Variants in PPP2R5E observed in about 807,000 individuals in gnomAD.
PPP2R5E encodes the protein protein phosphatase 2 regulatory subunit B'epsilon.
Under a neutral mutation model 65.3 loss-of-function variants are expected in PPP2R5E, and 4 were observed. The ratio of observed to expected loss-of-function variants is 0.06; its 90% CI spans 0.03 to 0.14. PPP2R5E has a LOEUF of 0.14. Ranked by LOEUF, PPP2R5E falls within the 10% of genes least tolerant of loss-of-function variation. PPP2R5E has a pLI of 1.00. For synonymous variants in PPP2R5E, 183 were observed against 187.4 expected (o/e 0.98, Z 0.19); for missense variants, 274 against 556.1 (o/e 0.49, Z 5.10).
intron 2 of PPP2R5E, among the ~76,000 whole-genome samples, chr14:63,475,843 A>C (rs574380370): frequency 2.0e-5 from 3 of 152,342 alleles, no homozygotes; most frequent in South Asian, 4.1e-4. Flanking sequence ...TTTCCATCCA[A>C]AAATATTCAG....
chr14:63,534,057 G>A (rs957313441), intron 2 of PPP2R5E, among the ~76,000 whole-genome samples: 4 of 152,294 alleles, frequency 2.6e-5, no homozygotes, highest in South Asian at 2.1e-4. Flanking sequence ...TTACAGAATT[G>A]CTTAAAGTCA....
chr14:63,394,133 G>A (rs1473999185), intron 7 of PPP2R5E, among the ~76,000 whole-genome samples: 1 of 141,550 alleles, frequency 7.1e-6, no homozygotes, highest in East Asian at 2.1e-4. Context: ...CCAGGCTGGA[G>A]TGCAGTGGCC....
At chr14:63,399,366 C>CTTTTTTTTTTTTTTTTTTT (rs397814218) in intron 5 of PPP2R5E, among the ~76,000 whole-genome samples, 1 of 48,504 alleles carries the variant, frequency 2.1e-5, no homozygotes, top group African/African-American at 8.3e-5. Flanking sequence ...GGATTTCTTT[C>CTTTTTTTTTTTTTTTTTTT]TTTTTTTTTT....
intron 2 of PPP2R5E, among the ~76,000 whole-genome samples, chr14:63,521,888 A>G (rs990544830): frequency 2.6e-5 from 4 of 152,026 alleles, no homozygotes; most frequent in Admixed American, 6.6e-5. Flanking sequence ...AATTAATTTG[A>G]TGAGGTTGTG....
intron 3 of PPP2R5E, among the ~76,000 whole-genome samples, chr14:63,444,570 C>G (rs1389578704): frequency 6.6e-6 from 1 of 151,626 alleles, no homozygotes; most frequent in Non-Finnish European, 1.5e-5. Flanking sequence ...GAGATTTCAT[C>G]TCATATTTGA....
At chr14:63,381,967 T>G in intron 13 of PPP2R5E, 89 bp downstream of exon 13, 21 of 990,904 alleles carry the variant, frequency 2.1e-5, no homozygotes, top group Non-Finnish European at 3.1e-5. Context: ...TGCTTAAGAT[T>G]TGGGGTACAA....
At chr14:63,388,390 C>T (rs1390635006) in intron 11 of PPP2R5E, among the ~76,000 whole-genome samples, 1 of 152,174 alleles carries the variant, frequency 6.6e-6, no homozygotes, top group Non-Finnish European at 1.5e-5. Flanking sequence ...CCACCCGCCT[C>T]AGCCTCCCAA....
rs771759698 is a variant in PPP2R5E, at chr14:63,453,909, G to T, written c.158-24C>A. ...GTCTAAGAAAAAAAAAGGAAATGGT[G>T]TAAGTCTGTCATCAATTTCCAGGTA... On this transcript the variant is annotated intron_variant, in intron 2 of 13. Coordinates refer to ENST00000337537, the MANE Select transcript of PPP2R5E (RefSeq NM_006246.5). The T allele has an allele frequency of 2.1e-6, 3 of 1,420,418 alleles. No individual in the cohort carries two copies. The African/African-American group carries it at 4.3e-5, about 20-fold the overall frequency. 88.0% of individuals were successfully genotyped at this position (1,420,418 alleles called of 1,614,324 possible).
At chr14:63,498,854 T>A (rs1000752542) in intron 2 of PPP2R5E, among the ~76,000 whole-genome samples, 4 of 152,118 alleles carry the variant, frequency 2.6e-5, no homozygotes, top group African/African-American at 9.6e-5. Context: ...CCAGCATTCG[T>A]GGCCCAAAAT....
Position 63,487,205 on chromosome 14 carries a change from T to C in PPP2R5E, c.158-33320A>G, listed in dbSNP as rs530843452. ...GTAACACAAAACCAGTATCCTAGTA[T>C]TTTAACACATTGCCTCAATTTCCAT... On this transcript the variant is annotated intron_variant, in intron 2 of 13. Coordinates refer to ENST00000337537, the MANE Select transcript of PPP2R5E (RefSeq NM_006246.5). Among the ~76,000 whole-genome samples, 174 of 152,334 alleles carry C rather than the reference T, an allele frequency of 1.1e-3. 1 individual carries two copies. The highest frequency in any genetic ancestry group is 2.1e-3 in the Non-Finnish European group (142 of 68,032).
chr14:63,390,632 A>G (rs566939168), intron 10 of PPP2R5E, among the ~76,000 whole-genome samples: 1 of 152,358 alleles, frequency 6.6e-6, no homozygotes. Flanking sequence ...TTAAGAAATT[A>G]AATGACTTTC....
At chr14:63,396,007 G>T (rs117637542) in intron 6 of PPP2R5E, among the ~76,000 whole-genome samples, 136 of 5,470 alleles carry the variant, frequency 0.025, 4 homozygotes, top group East Asian at 0.07. Flanking sequence ...GGGGAGGAGA[G>T]GAGAAGGGGG....
At chr14:63,466,239 T>C in intron 2 of PPP2R5E, among the ~76,000 whole-genome samples, 1 of 130,544 alleles carries the variant, frequency 7.7e-6, no homozygotes, top group East Asian at 2.3e-4. Flanking sequence ...ATCAAAGACA[T>C]CATGAAACTT....
At chr14:63,430,635 T>C (rs1479954276) in intron 3 of PPP2R5E, among the ~76,000 whole-genome samples, 2 of 152,102 alleles carry the variant, frequency 1.3e-5, no homozygotes, top group African/African-American at 4.8e-5. Context: ...TATTGATAAA[T>C]AAACATAGAA....
intron 2 of PPP2R5E, among the ~76,000 whole-genome samples, chr14:63,519,170 T>C (rs1390141757): frequency 6.6e-6 from 1 of 151,682 alleles, no homozygotes; most frequent in Non-Finnish European, 1.5e-5. Context: ...GCCAAGATCG[T>C]GCCATTGCAC....
chr14:63,454,328 T>C (rs1889007166), intron 2 of PPP2R5E, among the ~76,000 whole-genome samples: 1 of 152,260 alleles, frequency 6.6e-6, no homozygotes, highest in African/African-American at 2.4e-5. Flanking sequence ...CATGCTGACA[T>C]CCTTGGTATT....
intron 2 of PPP2R5E, among the ~76,000 whole-genome samples, chr14:63,505,512 C>G (rs958209265): frequency 9.9e-5 from 15 of 152,188 alleles, no homozygotes; most frequent in Non-Finnish European, 2.1e-4. Context: ...TCTCCCCACC[C>G]CTTCTCCACA....
intron 2 of PPP2R5E, among the ~76,000 whole-genome samples, chr14:63,479,035 ATG>A (rs1160145595): frequency 1.3e-5 from 2 of 152,156 alleles, no homozygotes; most frequent in African/African-American, 2.4e-5. Context: ...AGTCTGAGGC[ATG>A]AGAAATGCTT....
chr14:63,415,222 T>C lies in PPP2R5E; in HGVS notation c.467A>G (p.Glu156Gly). Reference sequence around the variant, plus strand: ...GCTTTCCAAAAATCGTATGAAAAATTCATATACAAGCTGCAACAAACAGAT... The same window carrying C: ...GCTTTCCAAAAATCGTATGAAAAATCCATATACAAGCTGCAACAAACAGAT... ...ASWPHLQLVY[E>G]FFIRFLESQE... The change falls in exon 5 of 14, where the codon GAA (glutamate) becomes GGA (glycine). Residue 156 changes from glutamate (E) to glycine (G), a missense_variant. By Grantham distance (98) the Glu-to-Gly change is moderately conservative. Transcript: ENST00000337537. 6.3e-7 allele frequency: 1 copy of C among 1,598,510 alleles called. No individual in the cohort carries two copies.
Sources: allele counts gnomAD v4.1 joint callset (sites outside exome capture counted in the v4.1 genomes callset), GRCh38; gene constraint gnomAD v4.1.1; transcripts MANE v1.5; gene names NCBI Gene and HGNC (gene_info 2026-07-23, HGNC 2026-07-21).